CELSR3: variants seen among roughly 807,000 people sequenced by gnomAD.
The protein encoded by CELSR3 is EGF-like protein 1.
Under a neutral mutation model 270.0 loss-of-function variants are expected in CELSR3, and 73 were observed. The ratio of observed to expected loss-of-function variants is 0.27; its 90% CI spans 0.22 to 0.33. The LOEUF is 0.33. Ranked by LOEUF, CELSR3 falls within the 10% of genes least tolerant of loss-of-function variation. The probability of loss-of-function intolerance (pLI) is 1.00; values close to 1 mark genes in which losing one functional copy is unlikely to be tolerated. For synonymous variants in CELSR3, 1,780 were observed against 1,905.4 expected (o/e 0.93, Z 1.71); for missense variants, 3,614 against 4,533.8 (o/e 0.80, Z 5.83).
Position 48,648,753 on chromosome 3 carries a change from C to G in CELSR3, c.6743G>C (p.Gly2248Ala). ...GTGGGCATCCTGTGTGGCTGTCAGC[C>G]CGAAGCCCTGCTGATGGCTCTCGAA... ...LAFESHQQGF[G>A]LTATQDAHFN... is the part of the protein sequence containing the mutation. Residue 2248 changes from glycine to alanine, a missense_variant, in exon 18 of 35, where the codon GGG (glycine) becomes GCG (alanine). Transcript: ENST00000164024. 1 of 1,612,664 alleles carries G rather than the reference C, an allele frequency of 6.2e-7. No homozygotes were observed. Among genetic ancestry groups the G allele is most frequent in the South Asian group, 1.1e-5 (1 of 91,076 alleles).
In CELSR3 at chr3:48,660,238, C is replaced by A. The variant is rs1434900888; in HGVS notation, c.2397G>T (p.Arg799=). 3 of 1,614,158 alleles carry A rather than the reference C, an allele frequency of 1.9e-6. No homozygotes were observed. In the South Asian group the frequency reaches 3.3e-5, roughly 18 times the overall value. Residue 799 remains arginine, a synonymous_variant, in exon 1 of 35, where the codon CGG becomes CGT. Coordinates refer to ENST00000164024, the MANE Select transcript of CELSR3 (RefSeq NM_001407.3). The surrounding 1 kb of genome is among the most constrained non-coding windows in gnomAD (Gnocchi z 5.5). ...CCTGGGTGCTGATGGCAAAGCGATT[C>A]CGGGTGTTGCCGCCTGTGATCTGGT... is the stretch of plus-strand genomic sequence containing the variant. ...ISYQITGGNT[R]NRFAISTQGG...
rs760149473 is a variant in CELSR3, at chr3:48,641,475, G to A, written c.8874C>T (p.Cys2958=). 22 of 1,612,166 alleles carry A rather than the reference G, an allele frequency of 1.4e-5. No homozygotes were observed. The highest frequency in any genetic ancestry group is 3.3e-5 in the Admixed American group (2 of 59,984). ...LLSYWPALGE[C]EAAPCALQTW... is the part of the protein sequence containing the mutation. Reference sequence around the variant, plus strand: ...TCTGCAGAGCACAGGGGGCTGCCTCGCACTCCCCCAGGGCTGGCCAGTAGG... The same window carrying A: ...TCTGCAGAGCACAGGGGGCTGCCTCACACTCCCCCAGGGCTGGCCAGTAGG... Residue 2958 remains cysteine (C), a synonymous_variant, in exon 33 of 35, where the codon TGC becomes TGT. Transcript: ENST00000164024. This position sits in a 1 kb window ranked among gnomAD's most constrained non-coding sequence, Gnocchi z 4.8.
Position 48,637,887 on chromosome 3 carries a change from C to G in CELSR3, c.*318G>C. Reference sequence around the variant, plus strand: ...AAATGGGGTCAAACTGCATCTCTCCCTCTATCTCCCTCCCCCTCCCAGCCC... The same window carrying G: ...AAATGGGGTCAAACTGCATCTCTCCGTCTATCTCCCTCCCCCTCCCAGCCC... On this transcript the variant is annotated 3_prime_UTR_variant, in exon 35 of 35. Coordinates refer to ENST00000164024, the MANE Select transcript of CELSR3 (RefSeq NM_001407.3). 2.6e-6 allele frequency: 1 copy of G among 379,360 alleles called. No individual in the cohort carries two copies. Among genetic ancestry groups the G allele is most frequent in the Non-Finnish European group, 4.9e-6 (1 of 202,850 alleles). The allele number at this position is 379,360 out of a possible 1,614,324, so 23.5% of individuals were successfully genotyped here.
Position 48,641,014 on chromosome 3 carries a change from G to T in CELSR3, c.9025+310C>A. On this transcript the variant is annotated intron_variant, in intron 33 of 34. Transcript: ENST00000164024. The surrounding 1 kb of genome is among the most constrained non-coding windows in gnomAD (Gnocchi z 4.8). ...GCAGAAATCTTCCAGATCAGAGCAC[G>T]GGCTCTGGGATCTGGGTGGGGGGCA... 2.4e-6 allele frequency: 1 copy of T among 412,052 alleles called. No individual in the cohort carries two copies. The highest frequency in any genetic ancestry group is 4.3e-6 in the Non-Finnish European group (1 of 230,138). 25.5% of individuals were successfully genotyped at this position (412,052 alleles called of 1,614,324 possible).
At position 48,655,939 on chromosome 3, in the gene CELSR3, C is replaced by CA; in HGVS notation, c.4626-89_4626-88insT. ...CCACCATCCCTGCGAGGAGAAGGGG[C>CA]TGGGGCGAGAGAGGAAGCGACGAGG... On this transcript the variant is annotated intron_variant, in intron 3 of 34. Coordinates refer to ENST00000164024, the MANE Select transcript of CELSR3 (RefSeq NM_001407.3). This position sits in a 1 kb window ranked among gnomAD's most constrained non-coding sequence, Gnocchi z 5.8. 17 of 1,237,062 alleles carry CA rather than the reference C, an allele frequency of 1.4e-5. No individual in the cohort carries two copies. The South Asian group carries it at 2.2e-4, about 16-fold the overall frequency. The allele number at this position is 1,237,062 out of a possible 1,614,324, so 76.6% of individuals were successfully genotyped here. A position where few individuals can be genotyped will look rare whatever the true frequency, so the allele number is the denominator to read the frequency against.
At position 48,656,327 on chromosome 3, in the gene CELSR3, C is replaced by A; in HGVS notation, c.4438G>T (p.Val1480Leu). ...CCCCCGTTGCGGCAGACGCCCGGCACGCAGCGGCCGGCCTCGGTGTCCAGC... is the reference window on the plus strand; with the variant it reads ...CCCCCGTTGCGGCAGACGCCCGGCAAGCAGCGGCCGGCCTCGGTGTCCAGC... ...CELDTEAGRC[V>L]PGVCRNGGTC... is the part of the protein sequence containing the mutation. The change falls in exon 3 of 35, where the codon GTG becomes TTG. Residue 1480 changes from valine (V) to leucine (L), a missense_variant. This residue lies in a region of CELSR3 where 1,331 missense variants were observed against 1,933.7 expected (regional missense o/e 0.69). Transcript: ENST00000164024. 2 of 1,445,174 alleles carry A rather than the reference C, an allele frequency of 1.4e-6. No individual in the cohort carries two copies. Among genetic ancestry groups the A allele is most frequent in the Non-Finnish European group, 9.0e-7 (1 of 1,113,148 alleles). The allele number at this position is 1,445,174 out of a possible 1,614,324, so 89.5% of individuals were successfully genotyped here. A position where few individuals can be genotyped will look rare whatever the true frequency, so the allele number is the denominator to read the frequency against.
Position 48,644,105 on chromosome 3 carries a change from A to G in CELSR3, c.8165+111T>C. On this transcript the variant is annotated intron_variant, in intron 27 of 34. Transcript: ENST00000164024. The surrounding 1 kb of genome is among the most constrained non-coding windows in gnomAD (Gnocchi z 4.8). ...AGGGCAGGTGTGACTTCATTCCTTC[A>G]TCTAGAACTTGGAGCCCAACCTGCA... 1 of 853,736 alleles carries G rather than the reference A, an allele frequency of 1.2e-6. No homozygotes were observed. Among genetic ancestry groups the G allele is most frequent in the African/African-American group, 1.7e-5 (1 of 59,310 alleles). 52.9% of individuals were successfully genotyped at this position (853,736 alleles called of 1,614,324 possible).
In CELSR3 at chr3:48,648,260, A is replaced by C; in HGVS notation, c.6973+6T>G. ...TGTGCCCCGCCCTACCCCACCCACAACGCACTGATATTAGGCGTCACCAGC... is the reference window on the plus strand; with the variant it reads ...TGTGCCCCGCCCTACCCCACCCACACCGCACTGATATTAGGCGTCACCAGC... On this transcript the variant is annotated splice_donor_region_variant and intron_variant, in intron 19 of 34. Transcript: ENST00000164024. 6.5e-7 allele frequency: 1 copy of C among 1,533,998 alleles called. No individual in the cohort carries two copies. Among genetic ancestry groups the C allele is most frequent in the Non-Finnish European group, 8.9e-7 (1 of 1,118,924 alleles).
In CELSR3 at chr3:48,657,209, G is replaced by C; in HGVS notation, c.3888C>G (p.Leu1296=). 1 of 1,613,806 alleles carries C rather than the reference G, an allele frequency of 6.2e-7. No individual in the cohort carries two copies. Among genetic ancestry groups the C allele is most frequent in the Non-Finnish European group, 8.5e-7 (1 of 1,179,928 alleles). The change falls in exon 2 of 35, where the codon CTC becomes CTG. Residue 1296 remains leucine (L), a synonymous_variant. Transcript: ENST00000164024. This position sits in a 1 kb window ranked among gnomAD's most constrained non-coding sequence, Gnocchi z 5.4. ...RFLSPLLGRF[L]EGVAAVLATP... is the part of the protein sequence containing the mutation. ...TAGCGAGCACCGCAGCCACGCCCTC[G>C]AGGAAGCGGCCCAGCAGCGGTGACA...
rs2047153645 is a variant in CELSR3, at chr3:48,653,295, G to A, written c.5449-108C>T. 4.8e-6 allele frequency: 5 copies of A among 1,031,388 alleles called. No homozygotes were observed. Among genetic ancestry groups the A allele is most frequent in the Admixed American group, 2.4e-5 (1 of 41,482 alleles). The allele number at this position is 1,031,388 out of a possible 1,614,324, so 63.9% of individuals were successfully genotyped here. A position where few individuals can be genotyped will look rare whatever the true frequency, so the allele number is the denominator to read the frequency against. ...AGGAATATCAGAGGTCAGAACAGTG[G>A]GGTCAAGGTTATACCTGGCACAAAG... On this transcript the variant is annotated intron_variant, in intron 9 of 34. Coordinates refer to ENST00000164024, the MANE Select transcript of CELSR3 (RefSeq NM_001407.3). This position sits in a 1 kb window ranked among gnomAD's most constrained non-coding sequence, Gnocchi z 6.5.
chr3:48,650,800 G>T lies in CELSR3; in HGVS notation c.6370+92C>A. 7.1e-7 allele frequency: 1 copy of T among 1,400,886 alleles called. No individual in the cohort carries two copies. The highest frequency in any genetic ancestry group is 2.2e-5 in the Admixed American group (1 of 45,990). The allele number at this position is 1,400,886 out of a possible 1,614,324, so 86.8% of individuals were successfully genotyped here. A position where few individuals can be genotyped will look rare whatever the true frequency, so the allele number is the denominator to read the frequency against. On this transcript the variant is annotated intron_variant, in intron 15 of 34. Coordinates refer to ENST00000164024, the MANE Select transcript of CELSR3 (RefSeq NM_001407.3). This position sits in a 1 kb window ranked among gnomAD's most constrained non-coding sequence, Gnocchi z 5.1. The stretch of plus-strand genomic sequence containing the variant: ...TGGTCTCCCTCAGGAGAAGCTTCCA[G>T]AGTCCCCAAGGAGCCATGTGTGCCA...
Position 48,648,471 on chromosome 3 carries a change from CAG to C in CELSR3, c.6778-12_6778-11del, listed in dbSNP as rs2047108500. ...CGGCCCACAGCAGATTCTGGGAAGA[CAG>C]AGATAGAATTGGGTTCAGCCAGGTG... On this transcript the variant is annotated splice_polypyrimidine_tract_variant and intron_variant, in intron 18 of 34. Transcript: ENST00000164024. 1 of 1,531,518 alleles carries C rather than the reference CAG, an allele frequency of 6.5e-7. No homozygotes were observed. The highest frequency in any genetic ancestry group is 1.4e-5 in the African/African-American group (1 of 72,678). The allele number at this position is 1,531,518 out of a possible 1,614,324, so 94.9% of individuals were successfully genotyped here. A position where few individuals can be genotyped will look rare whatever the true frequency, so the allele number is the denominator to read the frequency against.
chr3:48,659,576 C>T lies in CELSR3; in HGVS notation c.3059G>A (p.Arg1020His), dbSNP rs142606355. ...FTIEPTSGIV[R>H]TVRRLDREAV... ...CTCCCGGTCTAGCCGCCTTACTGTA[C>T]GGACAATTCCAGAGGTGGGCTCAAT... Residue 1020 changes from arginine (R) to histidine (H), a missense_variant, in exon 1 of 35, where the codon CGT (arginine) becomes CAT (histidine). Arg to His is a conservative substitution (Grantham distance 29). Transcript: ENST00000164024. The surrounding 1 kb of genome is among the most constrained non-coding windows in gnomAD (Gnocchi z 8.1). 90 of 1,614,072 alleles carry T rather than the reference C, an allele frequency of 5.6e-5. 1 individual carries two copies. Among genetic ancestry groups the T allele is most frequent in the Admixed American group, 2.2e-4 (13 of 60,010 alleles).
At position 48,655,708 on chromosome 3, in the gene CELSR3, C is replaced by A; in HGVS notation, c.4741+28G>T. 6.3e-7 allele frequency: 1 copy of A among 1,590,198 alleles called. No individual in the cohort carries two copies. The highest frequency in any genetic ancestry group is 8.6e-7 in the Non-Finnish European group (1 of 1,158,646). On this transcript the variant is annotated intron_variant, in intron 4 of 34. Transcript: ENST00000164024. This position sits in a 1 kb window ranked among gnomAD's most constrained non-coding sequence, Gnocchi z 5.8. ...CTGCGTCCTCCAGCACACACGCACC[C>A]TTTCGCCGTCACATCCGGGGCACCC...
At position 48,657,375 on chromosome 3, in the gene CELSR3, C is replaced by T. The variant is rs1389739005; in HGVS notation, c.3749-27G>A. 1.3e-6 allele frequency: 2 copies of T among 1,544,912 alleles called. No homozygotes were observed. The highest frequency in any genetic ancestry group is 2.3e-5 in the East Asian group (1 of 42,738). ...TGCAGGCGGGGGCAGGGGCAGTGGT[C>T]ATCCTGGGGACAGTGGCCACCCCTC... On this transcript the variant is annotated intron_variant, in intron 1 of 34. Coordinates refer to ENST00000164024, the MANE Select transcript of CELSR3 (RefSeq NM_001407.3). The surrounding 1 kb of genome is among the most constrained non-coding windows in gnomAD (Gnocchi z 5.4).
In CELSR3 at chr3:48,661,775, A is replaced by T. The variant is rs760051160; in HGVS notation, c.860T>A (p.Leu287His). ...RSRGLFRCRF[L>H]PQRPGPRPPG... ...GGGACGCGGCCCGGGGCGCTGCGGGAGGAAGCGGCAGCGGAAGAGACCCCG... is the reference window on the plus strand; with the variant it reads ...GGGACGCGGCCCGGGGCGCTGCGGGTGGAAGCGGCAGCGGAAGAGACCCCG... Residue 287 changes from leucine to histidine, a missense_variant, in exon 1 of 35, where the codon CTC becomes CAC. Physicochemically the swap from Leu to His is moderately conservative, Grantham distance 99 (BLOSUM62 -3). This residue lies in a region of CELSR3 where 470 missense variants were observed against 469.7 expected (regional missense o/e 1.00). Transcript: ENST00000164024. 6.2e-7 allele frequency: 1 copy of T among 1,600,594 alleles called. No homozygotes were observed. Among genetic ancestry groups the T allele is most frequent in the African/African-American group, 1.3e-5 (1 of 74,554 alleles).
chr3:48,644,156 C>A lies in CELSR3; in HGVS notation c.8165+60G>T, dbSNP rs772327684. The A allele has an allele frequency of 6.6e-7, 1 of 1,512,444 alleles. No homozygotes were observed. The highest frequency in any genetic ancestry group is 1.2e-5 in the South Asian group (1 of 86,924). The allele number at this position is 1,512,444 out of a possible 1,614,324, so 93.7% of individuals were successfully genotyped here. On this transcript the variant is annotated intron_variant, in intron 27 of 34. Coordinates refer to ENST00000164024, the MANE Select transcript of CELSR3 (RefSeq NM_001407.3). The surrounding 1 kb of genome is among the most constrained non-coding windows in gnomAD (Gnocchi z 4.8). ...CCAGGGAAGATCTGGGGGCCCCAGA[C>A]CCCACCCAGGAGGGACCTGCCATCC...
Position 48,662,389 on chromosome 3 carries a change from C to G in CELSR3, c.246G>C (p.Glu82Asp). 6.2e-7 allele frequency: 1 copy of G among 1,612,964 alleles called. No individual in the cohort carries two copies. Among genetic ancestry groups the G allele is most frequent in the Non-Finnish European group, 8.5e-7 (1 of 1,179,978 alleles). Residue 82 changes from glutamate to aspartate, a missense_variant, in exon 1 of 35, where the codon GAG becomes GAC. Physicochemically the swap from Glu to Asp is conservative, Grantham distance 45. Transcript: ENST00000164024. The surrounding 1 kb of genome is among the most constrained non-coding windows in gnomAD (Gnocchi z 7.1). ...TCCCTCGGAGCCCCACGAAGATAGG[C>G]TCCCTGACCCCCAGGCCAGGCCCCC... ...EDGGPGLGVR[E>D]PIFVGLRGRR...
rs2047133911 is a variant in CELSR3, at chr3:48,651,182, C to G, written c.6187-107G>C. 2.1e-6 allele frequency: 3 copies of G among 1,439,066 alleles called. No homozygotes were observed. In the African/African-American group the frequency reaches 4.2e-5, roughly 20 times the overall value. The allele number at this position is 1,439,066 out of a possible 1,614,324, so 89.1% of individuals were successfully genotyped here. A position where few individuals can be genotyped will look rare whatever the true frequency, so the allele number is the denominator to read the frequency against. The stretch of plus-strand genomic sequence containing the variant: ...AACAGTGCTCATGGGCCAGAGGACA[C>G]CTGGGTCATGCGTGAAGCCAAGGGA... On this transcript the variant is annotated intron_variant, in intron 14 of 34. Transcript: ENST00000164024. This position sits in a 1 kb window ranked among gnomAD's most constrained non-coding sequence, Gnocchi z 7.4.
Sources: allele counts gnomAD v4.1 joint callset, GRCh38; gene constraint gnomAD v4.1.1; regional missense constraint gnomAD v4.1.1; non-coding constraint Gnocchi (gnomAD v3.1); transcripts MANE v1.5; gene names NCBI Gene and HGNC (gene_info 2026-07-23, HGNC 2026-07-21).